Variants in MARK2 observed in about 807,000 individuals in gnomAD.
The protein encoded by MARK2 is serine/threonine-protein kinase MARK2.
Under a neutral mutation model 89.8 loss-of-function variants are expected in MARK2, and 16 were observed. The observed-to-expected ratio is 0.18, with a 90% CI of 0.12 to 0.27. The LOEUF is 0.27. Ranked by LOEUF, MARK2 falls within the 10% of genes least tolerant of loss-of-function variation. MARK2 has a pLI of 1.00. For missense variants in MARK2, 621 were observed against 1,049.9 expected (o/e 0.59, Z 5.65); for synonymous variants, 382 against 399.5 (o/e 0.96, Z 0.52).
intron 18 of MARK2, 49 bp from the exon 19 acceptor site, chr11:63,908,828 G>A: frequency 7.1e-7 from 1 of 1,406,486 alleles, no homozygotes; most frequent in Non-Finnish European, 9.3e-7. Flanking sequence ...CTCTCCTGGG[G>A]TGGGGTGCCT....
intron 17 of MARK2, among the ~76,000 whole-genome samples, chr11:63,906,354 C>G (rs1001493056): frequency 1.3e-5 from 2 of 152,194 alleles, no homozygotes; most frequent in Admixed American, 1.3e-4. Context: ...GCCACATTGG[C>G]CCACTCAGGG....
chr11:63,859,250 G>T (rs1420091920), intron 1 of MARK2, among the ~76,000 whole-genome samples: 1 of 151,856 alleles, frequency 6.6e-6, no homozygotes, highest in Non-Finnish European at 1.5e-5. Context: ...GGTGGCTTGA[G>T]ACCTGACATA....
At chr11:63,853,230 C>T (rs1032705382) in intron 1 of MARK2, among the ~76,000 whole-genome samples, 2 of 152,028 alleles carry the variant, frequency 1.3e-5, no homozygotes, top group South Asian at 2.1e-4. Flanking sequence ...GAAACTCCTT[C>T]TCTACTAAAA....
At chr11:63,843,424 C>T (rs987406848) in intron 1 of MARK2, among the ~76,000 whole-genome samples, 2 of 152,098 alleles carry the variant, frequency 1.3e-5, no homozygotes, top group Non-Finnish European at 2.9e-5. Flanking sequence ...CCCACTTCTG[C>T]TGCAGTGGGA....
At position 63,871,318 on chromosome 11, in the gene MARK2, T is replaced by C. The variant is rs12803077; in HGVS notation, c.55-23841T>C. ...GCAGGTGTGGCTAAAGAGTATTCACTGTGTGCAGGTGTGGGTGAAGAGTAT... is the reference window on the plus strand; with the variant it reads ...GCAGGTGTGGCTAAAGAGTATTCACCGTGTGCAGGTGTGGGTGAAGAGTAT... On this transcript the variant is annotated intron_variant, in intron 1 of 18. Coordinates refer to ENST00000402010, the MANE Select transcript of MARK2 (RefSeq NM_001039469.3). Among the ~76,000 whole-genome samples, 910 of 151,196 alleles carry C rather than the reference T, an allele frequency of 6.0e-3. 11 individuals carry two copies. Among genetic ancestry groups the C allele is most frequent in the African/African-American group, 0.021 (854 of 41,008 alleles).
intron 3 of MARK2, among the ~76,000 whole-genome samples, chr11:63,896,940 TC>T (rs1307230685): frequency 6.6e-6 from 1 of 152,160 alleles, no homozygotes; most frequent in African/African-American, 2.4e-5. Context: ...TTCTTGGTTT[TC>T]TCCCTAATTC....
intron 1 of MARK2, chr11:63,868,588 G>A (rs1326317536): frequency 8.7e-6 from 3 of 343,164 alleles, no homozygotes; most frequent in African/African-American, 2.1e-5. Context: ...GAAACCACAG[G>A]GAGGATGCAC....
intron 1 of MARK2, among the ~76,000 whole-genome samples, chr11:63,887,556 GCA>G (rs1274717777): frequency 1.3e-5 from 2 of 152,222 alleles, no homozygotes; most frequent in Non-Finnish European, 2.9e-5. Flanking sequence ...TGCTGTGAGA[GCA>G]CAGAGGAAGC....
intron 1 of MARK2, among the ~76,000 whole-genome samples, chr11:63,845,087 G>A (rs2016212751): frequency 6.6e-6 from 1 of 152,304 alleles, no homozygotes; most frequent in South Asian, 2.1e-4. Context: ...TAATGGATTG[G>A]AATGAAGTAA....
intron 16 of MARK2, among the ~76,000 whole-genome samples, chr11:63,905,619 C>A (rs1028053436): frequency 5.3e-5 from 8 of 152,244 alleles, no homozygotes; most frequent in African/African-American, 1.9e-4. Flanking sequence ...CCAAAGGTTT[C>A]CTGTGTTGGA....
intron 1 of MARK2, among the ~76,000 whole-genome samples, chr11:63,866,175 A>AAC (rs1938118333): frequency 6.6e-6 from 1 of 152,086 alleles, no homozygotes; most frequent in Non-Finnish European, 1.5e-5. Flanking sequence ...AACATGATGA[A>AAC]ACCCTGTCTC....
intron 1 of MARK2, among the ~76,000 whole-genome samples, chr11:63,863,260 A>G (rs1937916602): frequency 6.6e-6 from 1 of 152,176 alleles, no homozygotes; most frequent in African/African-American, 2.4e-5. Context: ...GGGACTAGGC[A>G]TCTAGATATT....
Position 63,903,378 on chromosome 11 carries a change from G to A in MARK2, c.1514+220G>A. On this transcript the variant is annotated intron_variant, in intron 14 of 18. Transcript: ENST00000402010. The surrounding 1 kb of genome is among the most constrained non-coding windows in gnomAD (Gnocchi z 5.1). Reference sequence around the variant, plus strand: ...GCTACTTGCAGTTTGCCAAGTGTGGGGCTGACCGTGGCCATCTCAGCTACA... The same window carrying A: ...GCTACTTGCAGTTTGCCAAGTGTGGAGCTGACCGTGGCCATCTCAGCTACA... 1 of 555,020 alleles carries A rather than the reference G, an allele frequency of 1.8e-6. No individual in the cohort carries two copies. Among genetic ancestry groups the A allele is most frequent in the Non-Finnish European group, 3.3e-6 (1 of 307,520 alleles). The allele number at this position is 555,020 out of a possible 1,614,324, so 34.4% of individuals were successfully genotyped here.
At chr11:63,858,499 A>G (rs999952632) in intron 1 of MARK2, among the ~76,000 whole-genome samples, 3 of 152,020 alleles carry the variant, frequency 2.0e-5, no homozygotes, top group Non-Finnish European at 2.9e-5. Flanking sequence ...GATTACAGGC[A>G]TGCGCCACCA....
chr11:63,894,066 CT>C (rs1940149218), intron 1 of MARK2, among the ~76,000 whole-genome samples: 1 of 152,228 alleles, frequency 6.6e-6, no homozygotes, highest in Non-Finnish European at 1.5e-5. Context: ...TCCTCATCCC[CT>C]CATTTGAGCC....
chr11:63,879,071 G>A (rs1938941133), intron 1 of MARK2, among the ~76,000 whole-genome samples: 2 of 152,098 alleles, frequency 1.3e-5, no homozygotes, highest in Non-Finnish European at 2.9e-5. Flanking sequence ...TTGGGAGGCC[G>A]AGGCAGGCAG....
At chr11:63,884,613 C>T (rs1216735208) in intron 1 of MARK2, among the ~76,000 whole-genome samples, 2 of 152,210 alleles carry the variant, frequency 1.3e-5, no homozygotes, top group Non-Finnish European at 1.5e-5. Context: ...GCAGCCCCTG[C>T]CTCCCATCTA....
intron 1 of MARK2, among the ~76,000 whole-genome samples, chr11:63,874,495 A>C (rs1159183530): frequency 1.3e-5 from 2 of 152,116 alleles, no homozygotes; most frequent in African/African-American, 4.8e-5. Context: ...CCCAAAGAAC[A>C]TTGGAAAAAT....
At chr11:63,878,432 C>T (rs561773377) in intron 1 of MARK2, among the ~76,000 whole-genome samples, 36 of 141,342 alleles carry the variant, frequency 2.5e-4, no homozygotes, top group Middle Eastern at 3.8e-3. Context: ...GTCAGTGGCA[C>T]GATCTCGGCT....
Sources: gnomAD v4.1 joint callset for allele counts (sites outside exome capture counted in the v4.1 genomes callset) on GRCh38, gnomAD v4.1.1 for gene constraint, Gnocchi (gnomAD v3.1) non-coding constraint, MANE v1.5 for transcripts, NCBI Gene and HGNC (gene_info 2026-07-23, HGNC 2026-07-21) for gene names.